The following COPG2 variants were observed in gnomAD, a reference collection of about 807,000 sequenced individuals.
COPG2 encodes coatomer subunit gamma-2.
In COPG2, 37 loss-of-function variants were observed where a neutral mutation model predicts 46.3. The observed-to-expected ratio is 0.80, with a 90% CI of 0.61 to 1.05. The LOEUF (loss-of-function observed/expected upper bound fraction) is 1.05, where lower values mean the gene tolerates loss of function less well. COPG2 is among the 50% of genes least tolerant of loss of function. The pLI is 0.00. For missense variants in COPG2, 427 were observed against 387.8 expected (o/e 1.10, Z -0.85); for synonymous variants, 159 against 129.7 (o/e 1.23, Z -1.53).
Position 130,564,413 on chromosome 7 carries a change from G to A in COPG2, c.738-20C>T. Reference sequence around the variant, plus strand: ...TCATGGCTGCCAATAAATATTTATAGGCCATTATTTAGATATCAAATAGAG... The same window carrying A: ...TCATGGCTGCCAATAAATATTTATAAGCCATTATTTAGATATCAAATAGAG... On this transcript the variant is annotated intron_variant, in intron 9 of 23. Transcript: ENST00000425248. 1 of 398,470 alleles carries A rather than the reference G, an allele frequency of 2.5e-6. No individual in the cohort carries two copies. Among genetic ancestry groups the A allele is most frequent in the Non-Finnish European group, 4.4e-6 (1 of 226,038 alleles). 24.7% of individuals were successfully genotyped at this position (398,470 alleles called of 1,614,324 possible).
At chr7:130,648,779 CAG>C (rs797027978) in intron 5 of COPG2, among the ~76,000 whole-genome samples, 7 of 152,370 alleles carry the variant, frequency 4.6e-5, no homozygotes, top group African/African-American at 1.4e-4. Flanking sequence ...CTTTTGCCCT[CAG>C]AGTCTTCCTT....
chr7:130,629,987 G>C (rs184639378), intron 5 of COPG2, among the ~76,000 whole-genome samples: 1 of 149,494 alleles, frequency 6.7e-6, no homozygotes, highest in Non-Finnish European at 1.5e-5. Context: ...GCGCAATCTC[G>C]GCTCACTGCA....
At chr7:130,634,656 T>G (rs1409777119) in intron 5 of COPG2, among the ~76,000 whole-genome samples, 2 of 152,196 alleles carry the variant, frequency 1.3e-5, no homozygotes, top group Non-Finnish European at 2.9e-5. Flanking sequence ...TCATGTCATC[T>G]GCAAACAGAG....
chr7:130,570,102 C>T (rs1480755653), intron 9 of COPG2, among the ~76,000 whole-genome samples: 2 of 152,240 alleles, frequency 1.3e-5, no homozygotes, highest in East Asian at 1.9e-4. Flanking sequence ...TGGCATTATA[C>T]TGAACAGGAA....
At chr7:130,528,874 TACCCCAGA>T (rs1799798463) in intron 20 of COPG2, among the ~76,000 whole-genome samples, 3 of 152,020 alleles carry the variant, frequency 2.0e-5, no homozygotes, top group African/African-American at 4.8e-5. Flanking sequence ...CCAGGGACTT[TACCCCAGA>T]TGGGGCAAAG....
intron 9 of COPG2, among the ~76,000 whole-genome samples, chr7:130,578,067 A>G (rs1794048321): frequency 6.6e-6 from 1 of 152,246 alleles, no homozygotes; most frequent in South Asian, 2.1e-4. Context: ...ACCAAAAGAC[A>G]GCAGTAACCT....
chr7:130,553,586 T>A (rs1793568812), intron 14 of COPG2, among the ~76,000 whole-genome samples: 1 of 152,208 alleles, frequency 6.6e-6, no homozygotes, highest in Admixed American at 6.5e-5. Flanking sequence ...TAGTTTGAAT[T>A]TCAGGTTGAG....
chr7:130,531,329 G>T (rs991756891), intron 20 of COPG2, among the ~76,000 whole-genome samples: 3 of 152,118 alleles, frequency 2.0e-5, no homozygotes, highest in African/African-American at 2.4e-5. Flanking sequence ...AGGGAAAAAA[G>T]AAAGTAGCCT....
At chr7:130,515,101 T>C (rs1799668396) in intron 20 of COPG2, among the ~76,000 whole-genome samples, 1 of 152,158 alleles carries the variant, frequency 6.6e-6, no homozygotes, top group African/African-American at 2.4e-5. Flanking sequence ...AAATATGAAT[T>C]CTTTTCCCCT....
chr7:130,653,954 C>T (rs1554459517), intron 4 of COPG2, among the ~76,000 whole-genome samples: 1 of 151,406 alleles, frequency 6.6e-6, no homozygotes, highest in African/African-American at 2.4e-5. Flanking sequence ...AGGAACACCC[C>T]ACCCCAATTT....
At chr7:130,593,933 A>T (rs1454563205) in intron 9 of COPG2, among the ~76,000 whole-genome samples, 1 of 152,196 alleles carries the variant, frequency 6.6e-6, no homozygotes, top group Non-Finnish European at 1.5e-5. Flanking sequence ...AGACTGATAA[A>T]TGTGACTACC....
At chr7:130,607,287 T>G (rs1215239519) in intron 9 of COPG2, 2 of 160,438 alleles carry the variant, frequency 1.2e-5, no homozygotes, top group African/African-American at 4.9e-5. Context: ...ATAAATAAAG[T>G]CATGGACAAA....
intron 9 of COPG2, among the ~76,000 whole-genome samples, chr7:130,571,873 G>A (rs1906545): frequency 0.19 from 29,376 of 151,346 alleles, 3,025 homozygotes; most frequent in Middle Eastern, 0.25. Context: ...ACAAACGCGC[G>A]CACACACACA....
chr7:130,535,683 G>T (rs1799873060), intron 20 of COPG2, among the ~76,000 whole-genome samples: 1 of 124,500 alleles, frequency 8.0e-6, no homozygotes, highest in African/African-American at 3.0e-5. Context: ...GGTATGGGAT[G>T]AATGGGTGGG....
chr7:130,549,777 A>G (rs1227583119), intron 17 of COPG2, among the ~76,000 whole-genome samples: 2 of 152,010 alleles, frequency 1.3e-5, no homozygotes, highest in African/African-American at 4.8e-5. Flanking sequence ...TAACCACTAA[A>G]CATTTATGAC....
chr7:130,566,853 T>C (rs1203980600), intron 9 of COPG2, among the ~76,000 whole-genome samples: 5 of 152,144 alleles, frequency 3.3e-5, no homozygotes, highest in Admixed American at 3.3e-4. Context: ...CCAAGGAATG[T>C]TTCACTTTGA....
At chr7:130,665,659 G>T (rs1554461334) in intron 3 of COPG2, among the ~76,000 whole-genome samples, 2 of 151,974 alleles carry the variant, frequency 1.3e-5, no homozygotes, top group East Asian at 3.9e-4. Flanking sequence ...GATATGTGTA[G>T]GTTATATGCA....
chr7:130,578,045 G>C (rs1275312466), intron 9 of COPG2, among the ~76,000 whole-genome samples: 1 of 152,274 alleles, frequency 6.6e-6, no homozygotes, highest in African/African-American at 2.4e-5. Context: ...TCTGGGGGCA[G>C]AGCACAGACG....
chr7:130,612,121 G>C lies in COPG2; in HGVS notation c.579+31C>G, dbSNP rs1229622531. ...TACAGGTTTAAAGAATGCTGATCCT[G>C]AGACAAGCTAATGTGATTCAATGAC... On this transcript the variant is annotated intron_variant, in intron 8 of 23. Coordinates refer to ENST00000425248, the MANE Select transcript of COPG2 (RefSeq NM_012133.6). 2.7e-6 allele frequency: 4 copies of C among 1,475,740 alleles called. No individual in the cohort carries two copies. The African/African-American group carries it at 4.1e-5, about 15-fold the overall frequency. The allele number at this position is 1,475,740 out of a possible 1,614,324, so 91.4% of individuals were successfully genotyped here. A position where few individuals can be genotyped will look rare whatever the true frequency, so the allele number is the denominator to read the frequency against.
Sources: gnomAD v4.1 joint callset for allele counts (sites outside exome capture counted in the v4.1 genomes callset) on GRCh38, gnomAD v4.1.1 for gene constraint, MANE v1.5 for transcripts, NCBI Gene and HGNC (gene_info 2026-07-23, HGNC 2026-07-21) for gene names.